PEX14: variants seen among roughly 807,000 people sequenced by gnomAD.
PEX14 encodes peroxisomal biogenesis factor 14, also known as peroxisomal membrane protein PEX14.
Under a neutral mutation model 49.5 loss-of-function variants are expected in PEX14, and 15 were observed. The ratio of observed to expected loss-of-function variants is 0.30; its 90% CI spans 0.20 to 0.47. The LOEUF (loss-of-function observed/expected upper bound fraction) is 0.47. Ranked by LOEUF, PEX14 falls within the 20% of genes least tolerant of loss-of-function variation. The pLI is 1.00. For synonymous variants in PEX14, 210 were observed against 212.7 expected, an observed-to-expected ratio of 0.99 and a Z score of 0.11; for missense variants, 398 against 494.8, an observed-to-expected ratio of 0.80 and a Z score of 1.86.
intron 1 of PEX14, among the ~76,000 whole-genome samples, chr1:10,481,791 GTGTT>G (rs1641287674): frequency 6.7e-6 from 1 of 148,598 alleles, no homozygotes; most frequent in African/African-American, 2.5e-5. Flanking sequence ...TTGTATGAAT[GTGTT>G]TGGCCATTTA....
chr1:10,559,560 G>A (rs1427494759), intron 3 of PEX14, among the ~76,000 whole-genome samples: 1 of 152,146 alleles, frequency 6.6e-6, no homozygotes, highest in Non-Finnish European at 1.5e-5. Flanking sequence ...AGGATGGTGC[G>A]GGGGCTGGCG....
chr1:10,495,200 C>T lies in PEX14; in HGVS notation c.37-74C>T, dbSNP rs622623. The T allele has an allele frequency of 0.69, 1,081,815 of 1,575,780 alleles. 374,060 individuals carry two copies. Among genetic ancestry groups the T allele is most frequent in the East Asian group, 0.82 (36,676 of 44,592 alleles). On this transcript the variant is annotated intron_variant, in intron 1 of 8. Transcript: ENST00000356607. This position sits in a 1 kb window ranked among gnomAD's most constrained non-coding sequence, Gnocchi z 4.2. Reference sequence around the variant, plus strand: ...GGTGCCAGCGTGCATCGTTTGAGAACGGAACATCTTTGGTTTTTTGATGTC... The same window carrying T: ...GGTGCCAGCGTGCATCGTTTGAGAATGGAACATCTTTGGTTTTTTGATGTC...
At chr1:10,622,944 C>A in intron 5 of PEX14, 75 bp from the exon 6 acceptor site, 1 of 1,009,788 alleles carries the variant, frequency 9.9e-7, no homozygotes, top group Non-Finnish European at 1.5e-6. Flanking sequence ...GAAAGTTGGG[C>A]GGCAGAATTT....
intron 3 of PEX14, among the ~76,000 whole-genome samples, chr1:10,563,446 A>C (rs1639710815): frequency 6.6e-6 from 1 of 151,646 alleles, no homozygotes; most frequent in Non-Finnish European, 1.5e-5. Flanking sequence ...CTAAAAATAC[A>C]AAATTTTTGC....
intron 1 of PEX14, among the ~76,000 whole-genome samples, chr1:10,483,190 CTG>C (rs568476698): frequency 6.7e-4 from 102 of 152,350 alleles, no homozygotes; most frequent in African/African-American, 2.4e-3. Context: ...GGGTCTCACT[CTG>C]TCACCCTGGC....
chr1:10,609,511 T>G (rs1195389925), intron 4 of PEX14, among the ~76,000 whole-genome samples: 2 of 152,238 alleles, frequency 1.3e-5, no homozygotes, highest in African/African-American at 4.8e-5. Flanking sequence ...GTGCCCTTTA[T>G]GTCGTCCTTT....
intron 1 of PEX14, among the ~76,000 whole-genome samples, chr1:10,476,780 C>T (rs542888822): frequency 2.0e-5 from 3 of 152,144 alleles, no homozygotes; most frequent in East Asian, 1.9e-4. Flanking sequence ...CGTGAGCCAC[C>T]GTGCCCGGCT....
chr1:10,625,536 C>T (rs1641719254), intron 7 of PEX14, among the ~76,000 whole-genome samples: 1 of 152,186 alleles, frequency 6.6e-6, no homozygotes, highest in South Asian at 2.1e-4. Context: ...CCAGGAATCT[C>T]CCCCCTGGAT....
chr1:10,606,412 A>G (rs1641127834), intron 4 of PEX14, among the ~76,000 whole-genome samples: 1 of 152,224 alleles, frequency 6.6e-6, no homozygotes, highest in Non-Finnish European at 1.5e-5. Context: ...TGGATCTTGC[A>G]TGGCTATCCT....
chr1:10,485,492 G>C (rs1333418304), intron 1 of PEX14, among the ~76,000 whole-genome samples: 2 of 150,442 alleles, frequency 1.3e-5, no homozygotes, highest in Non-Finnish European at 2.9e-5. Flanking sequence ...ATTATTTTTT[G>C]AATTTTTGTA....
intron 4 of PEX14, 87 bp downstream of exon 4, chr1:10,599,453 A>T: frequency 6.7e-7 from 1 of 1,486,538 alleles, no homozygotes; most frequent in Admixed American, 1.7e-5. Flanking sequence ...TCCCAGACTT[A>T]GCAAACCAGG....
chr1:10,574,994 C>T (rs1183117078), intron 3 of PEX14, among the ~76,000 whole-genome samples: 3 of 151,626 alleles, frequency 2.0e-5, no homozygotes, highest in African/African-American at 7.3e-5. Context: ...CACTTGTAGT[C>T]CCAGCTGTTC....
At chr1:10,531,876 G>A (rs1051747341) in intron 2 of PEX14, among the ~76,000 whole-genome samples, 2 of 152,028 alleles carry the variant, frequency 1.3e-5, no homozygotes, top group East Asian at 1.9e-4. Context: ...TGTCCCCCTC[G>A]TGCAGAAAAT....
chr1:10,536,396 T>G (rs1638804436), intron 3 of PEX14, 99 bp downstream of exon 3: 1 of 792,672 alleles, frequency 1.3e-6, no homozygotes, highest in Non-Finnish European at 2.2e-6. Context: ...CTGCCAGGAC[T>G]TCCTAGAGCT....
At chr1:10,569,323 G>T (rs1639902825) in intron 3 of PEX14, among the ~76,000 whole-genome samples, 1 of 152,050 alleles carries the variant, frequency 6.6e-6, no homozygotes, top group South Asian at 2.1e-4. Context: ...AGATTGCTTA[G>T]CTGTGTACTT....
chr1:10,503,498 G>T (rs1441803556), intron 2 of PEX14, among the ~76,000 whole-genome samples: 2 of 150,966 alleles, frequency 1.3e-5, no homozygotes, highest in Non-Finnish European at 2.9e-5. Context: ...ACTTTTATTT[G>T]GGCAGAGGAA....
chr1:10,493,099 A>C (rs779162001), intron 1 of PEX14, among the ~76,000 whole-genome samples: 1 of 152,224 alleles, frequency 6.6e-6, no homozygotes, highest in South Asian at 2.1e-4. Context: ...GTCAGGGGGC[A>C]GAAGTGGGCA....
intron 3 of PEX14, among the ~76,000 whole-genome samples, chr1:10,558,251 G>A (rs947183117): frequency 2.6e-5 from 4 of 151,844 alleles, no homozygotes; most frequent in Admixed American, 1.3e-4. Context: ...CAGGTGATCC[G>A]CCCACCTCGG....
chr1:10,570,580 C>A (rs1335584254), intron 3 of PEX14, among the ~76,000 whole-genome samples: 1 of 152,154 alleles, frequency 6.6e-6, no homozygotes, highest in Non-Finnish European at 1.5e-5. Context: ...GATCCGCCCG[C>A]CTCAGCCTCT....
Sources: allele counts gnomAD v4.1 joint callset (sites outside exome capture counted in the v4.1 genomes callset), GRCh38; gene constraint gnomAD v4.1.1; non-coding constraint Gnocchi (gnomAD v3.1); transcripts MANE v1.5; gene names NCBI Gene and HGNC (gene_info 2026-07-23, HGNC 2026-07-21).